Variants in ACSM3 observed in about 807,000 individuals in gnomAD.
ACSM3 encodes the protein acyl-CoA synthetase medium chain family member 3, also known as acyl-coenzyme A synthetase ACSM3, mitochondrial.
Under a neutral mutation model 74.1 loss-of-function variants are expected in ACSM3, and 61 were observed. The observed-to-expected ratio is 0.82, with a 90% confidence interval of 0.67 to 1.02. ACSM3 has a LOEUF of 1.02. Ranked by LOEUF, ACSM3 falls within the 50% of genes least tolerant of loss-of-function variation. ACSM3 has a pLI of 0.00. For synonymous variants in ACSM3, 213 were observed against 241.5 expected, an observed-to-expected ratio of 0.88 and a Z score of 1.09; for missense variants, 660 against 697.0, an observed-to-expected ratio of 0.95 and a Z score of 0.60.
chr16:20,774,239 CTTTTTTT>C (rs71377684), intron 2 of ACSM3, among the ~76,000 whole-genome samples: 1 of 114,022 alleles, frequency 8.8e-6, no homozygotes, highest in East Asian at 2.5e-4. Context: ...TTTTCTGTGT[CTTTTTTT>C]TTTTTTTTTT....
chr16:20,763,065 A>C (rs2080090495), upstream of ACSM3, among the ~76,000 whole-genome samples: 1 of 135,542 alleles, frequency 7.4e-6, no homozygotes, highest in East Asian at 2.0e-4. Flanking sequence ...AAAAGTGACC[A>C]ACAAATTCCT....
intron 1 of ACSM3, among the ~76,000 whole-genome samples, chr16:20,739,918 G>T (rs2079902700): frequency 6.6e-6 from 1 of 152,108 alleles, no homozygotes. Context: ...CATCCTGACA[G>T]TTTGAGGCAG....
At chr16:20,683,762 G>T (rs113050413) in intron 1 of ACSM3, among the ~76,000 whole-genome samples, 11 of 139,012 alleles carry the variant, frequency 7.9e-5, no homozygotes, top group Non-Finnish European at 1.7e-4. Flanking sequence ...TAGAGATGGG[G>T]TTTCACCATG....
chr16:20,770,132 G>T lies in ACSM3; in HGVS notation c.98G>T (p.Arg33Ile), dbSNP rs1225930975. The T allele has an allele frequency of 1.2e-6, 2 of 1,614,010 alleles. No individual in the cohort carries two copies. The highest frequency in any genetic ancestry group is 1.7e-6 in the Non-Finnish European group (2 of 1,180,028). The change falls in exon 2 of 14, where the codon AGA (arginine) becomes ATA (isoleucine). Residue 33 changes from arginine to isoleucine, a missense_variant. Physicochemically the swap from Arg to Ile is moderately conservative, Grantham distance 97. Coordinates refer to ENST00000289416, the MANE Select transcript of ACSM3 (RefSeq NM_005622.4). The stretch of plus-strand genomic sequence containing the variant: ...GTGAGGGCACTGCATAAAGATAATA[G>T]AACAGCAACCCCTCAGAATTTCTCC... ...GSVRALHKDN[R>I]TATPQNFSNY...
chr16:20,682,324 A>AT (rs2152311010), intron 1 of ACSM3: 2 of 1,614,010 alleles, frequency 1.2e-6, no homozygotes, highest in Non-Finnish European at 1.7e-6. Context: ...TGGTTTTCAG[A>AT]GAGGGGCACT....
At chr16:20,687,901 C>T (rs577943597) in intron 1 of ACSM3, among the ~76,000 whole-genome samples, 43 of 151,966 alleles carry the variant, frequency 2.8e-4, no homozygotes, top group African/African-American at 9.9e-4. Context: ...CTGGCCAACA[C>T]GGCAAAACCC....
intron 4 of ACSM3, 66 bp from the exon 5 acceptor site, chr16:20,780,648 T>G (rs756498670): frequency 1.7e-5 from 27 of 1,613,702 alleles, no homozygotes; most frequent in Non-Finnish European, 2.2e-5. Flanking sequence ...CTTCTCAAAA[T>G]TTTTCAGTGG....
At chr16:20,715,119 G>A (rs1306903949) in intron 1 of ACSM3, among the ~76,000 whole-genome samples, 2 of 152,086 alleles carry the variant, frequency 1.3e-5, no homozygotes, top group African/African-American at 4.8e-5. Context: ...AATATGAGGG[G>A]TCTCCCTGCA....
At chr16:20,779,257 T>C (rs1211999092) in intron 4 of ACSM3, among the ~76,000 whole-genome samples, 1 of 151,582 alleles carries the variant, frequency 6.6e-6, no homozygotes, top group Non-Finnish European at 1.5e-5. Flanking sequence ...ACCTCTTCTC[T>C]ATATAAATAA....
At chr16:20,722,466 CT>C (rs886397476) in intron 1 of ACSM3, among the ~76,000 whole-genome samples, 1 of 152,104 alleles carries the variant, frequency 6.6e-6, no homozygotes, top group African/African-American at 2.4e-5. Context: ...ATTAGTATTT[CT>C]CTAGATTTAA....
intron 1 of ACSM3, among the ~76,000 whole-genome samples, chr16:20,718,105 A>C (rs947000527): frequency 2.6e-5 from 4 of 151,856 alleles, no homozygotes; most frequent in Admixed American, 1.3e-4. Flanking sequence ...GGAGAAGGAA[A>C]AGGAGAAGAA....
intron 1 of ACSM3, among the ~76,000 whole-genome samples, chr16:20,701,421 G>A (rs1033195920): frequency 2.6e-5 from 4 of 152,050 alleles, no homozygotes; most frequent in African/African-American, 7.2e-5. Context: ...AATAATGTTC[G>A]GAAGACACTT....
chr16:20,742,000 T>G, intron 1 of ACSM3: 1 of 1,496,080 alleles, frequency 6.7e-7, no homozygotes, highest in Non-Finnish European at 8.9e-7. Context: ...GCAGCCATTC[T>G]GGAAGTGGTG....
At chr16:20,770,908 C>T (rs1319709943) in intron 2 of ACSM3, among the ~76,000 whole-genome samples, 1 of 152,140 alleles carries the variant, frequency 6.6e-6, no homozygotes, top group Admixed American at 6.5e-5. Flanking sequence ...ATCCTCTCTC[C>T]TAGCTTTTTG....
intron 1 of ACSM3, among the ~76,000 whole-genome samples, chr16:20,724,042 C>T (rs865907667): frequency 1.3e-5 from 2 of 152,058 alleles, no homozygotes; most frequent in Non-Finnish European, 1.5e-5. Context: ...TAATCCATCT[C>T]GAATTAATTT....
intron 1 of ACSM3, among the ~76,000 whole-genome samples, chr16:20,701,858 C>A (rs1050845016): frequency 1.8e-4 from 27 of 152,194 alleles, no homozygotes; most frequent in Non-Finnish European, 2.2e-4. Context: ...CATGTCCCTG[C>A]AAAGGACATG....
At chr16:20,787,834 T>G (rs1047342267) in intron 9 of ACSM3, among the ~76,000 whole-genome samples, 1 of 152,180 alleles carries the variant, frequency 6.6e-6, no homozygotes, top group Non-Finnish European at 1.5e-5. Context: ...GGGACTAGAG[T>G]GACCAACCTG....
At chr16:20,731,473 G>A in intron 1 of ACSM3, 1 of 202,068 alleles carries the variant, frequency 4.9e-6, no homozygotes, top group Non-Finnish European at 9.6e-6. Flanking sequence ...CTTTGTAATT[G>A]TATCCAAGCT....
intron 1 of ACSM3, among the ~76,000 whole-genome samples, chr16:20,707,707 C>A (rs1361603298): frequency 6.6e-6 from 1 of 152,164 alleles, no homozygotes; most frequent in Non-Finnish European, 1.5e-5. Context: ...TGCCTGGGAA[C>A]TTGTACTGCC....
Sources: allele counts gnomAD v4.1 joint callset (sites outside exome capture counted in the v4.1 genomes callset), GRCh38; gene constraint gnomAD v4.1.1; transcripts MANE v1.5; gene names NCBI Gene and HGNC (gene_info 2026-07-23, HGNC 2026-07-21).